TTC6: variants seen among roughly 807,000 people sequenced by gnomAD.
TTC6 encodes the protein tetratricopeptide repeat domain 6.
TTC6 carries 172 observed loss-of-function variants against 210.4 expected under a neutral mutation model. The ratio of observed to expected loss-of-function variants is 0.82; its 90% CI spans 0.72 to 0.93. The LOEUF (loss-of-function observed/expected upper bound fraction) is 0.93, where lower values mean the gene tolerates loss of function less well. TTC6 is among the 40% of genes least tolerant of loss of function. The pLI, the probability that TTC6 is intolerant of heterozygous loss-of-function variation, is 0.00. For missense variants in TTC6, 2,414 were observed against 2,318.1 expected (o/e 1.04, Z -0.85); for synonymous variants, 804 against 819.6 (o/e 0.98, Z 0.32).
In TTC6 at chr14:37,707,226, G is replaced by A. The variant is rs574237231; in HGVS notation, c.1571+5700G>A. ...AAAATGAACAATTTCCCTAGCGTAT[G>A]TTTGAGAGTGGATTGCTTTCTAATT... On this transcript the variant is annotated intron_variant, in intron 5 of 30. Transcript: ENST00000553443. Among the ~76,000 whole-genome samples, 10 of 152,104 alleles carry A rather than the reference G, an allele frequency of 6.6e-5. No homozygotes were observed. In the South Asian group the frequency reaches 1.7e-3, roughly 25 times the overall value.
intron 15 of TTC6, 87 bp from the exon 18 acceptor site, chr14:37,790,630 A>C (rs1017979951): frequency 9.5e-7 from 1 of 1,055,922 alleles, no homozygotes; most frequent in African/African-American, 1.6e-5. Context: ...AATGAGAATA[A>C]GCAATAGGAA....
intron 1 of TTC6, among the ~76,000 whole-genome samples, chr14:37,601,052 T>C (rs2095614717): frequency 6.6e-6 from 1 of 152,202 alleles, no homozygotes; most frequent in Non-Finnish European, 1.5e-5. Context: ...CTGACCACTT[T>C]CTGAATGTTG....
intron 3 of TTC6, among the ~76,000 whole-genome samples, chr14:37,691,749 A>C (rs2095803957): frequency 6.6e-6 from 1 of 152,172 alleles, no homozygotes. Context: ...CAATGAGATA[A>C]GAAAGTTGGT....
intron 27 of TTC6, 91 bp from the exon 30 acceptor site, chr14:37,826,104 A>G (rs1029000276): frequency 2.3e-6 from 3 of 1,316,560 alleles, no homozygotes; most frequent in African/African-American, 3.0e-5. Context: ...ATATACCCTT[A>G]CTAAAGGTTT....
rs1259313169 is a variant in TTC6 at position 37,630,965 on chromosome 14, A to G, written c.939+7962A>G. Among the ~76,000 whole-genome samples the G allele has an allele frequency of 2.1e-4, 14 of 66,310 alleles. 1 individual carries two copies. The highest frequency in any genetic ancestry group is 8.7e-4 in the African/African-American group (14 of 16,016). 43.5% of individuals were successfully genotyped at this position (66,310 alleles called of 152,430 possible). On this transcript the variant is annotated intron_variant, in intron 1 of 30. Coordinates refer to ENST00000553443, the Ensembl canonical transcript of TTC6. ...TTTTTTTTGCTTTCATTTGCTTGGTATATATTCCTCCATCCCTTTATTTTG... is the reference window on the plus strand; with the variant it reads ...TTTTTTTTGCTTTCATTTGCTTGGTGTATATTCCTCCATCCCTTTATTTTG...
chr14:37,719,025 C>A (rs1045294521), intron 6 of TTC6, among the ~76,000 whole-genome samples: 1 of 152,088 alleles, frequency 6.6e-6, no homozygotes, highest in South Asian at 2.1e-4. Context: ...ACAAAAAAAA[C>A]CATGAATAAT....
At chr14:37,723,321 T>C (rs2138820506) in intron 6 of TTC6, among the ~76,000 whole-genome samples, 1 of 152,326 alleles carries the variant, frequency 6.6e-6, no homozygotes, top group South Asian at 2.1e-4. Flanking sequence ...TGTTTGTTTC[T>C]ACTGGGCATT....
rs563754282 is a variant in TTC6 at position 37,664,349 on chromosome 14, G to A, written c.940-15802G>A. On this transcript the variant is annotated intron_variant, in intron 1 of 30. Transcript: ENST00000553443. ...ATAGAGAGCTCAGAAATGAGACGTC[G>A]CACCTACAACCATCAGATCTTTGAC... is the stretch of plus-strand genomic sequence containing the variant. Among the ~76,000 whole-genome samples the A allele has an allele frequency of 2.9e-4, 44 of 150,410 alleles. 2 individuals are homozygous for A. Among genetic ancestry groups the A allele is most frequent in the South Asian group, 2.1e-3 (10 of 4,700 alleles).
At chr14:37,812,499 A>G in intron 25 of TTC6, 66 bp downstream of exon 27, 1 of 1,425,154 alleles carries the variant, frequency 7.0e-7, no homozygotes, top group Non-Finnish European at 9.3e-7. Flanking sequence ...AGTGAACAAG[A>G]TTTTATTATT....
chr14:37,813,791 C>G (rs1338408979), intron 25 of TTC6, among the ~76,000 whole-genome samples: 1 of 152,082 alleles, frequency 6.6e-6, no homozygotes, highest in Non-Finnish European at 1.5e-5. Flanking sequence ...TCATTCTTGT[C>G]CCCTCTTTCC....
intron 10 of TTC6, among the ~76,000 whole-genome samples, chr14:37,741,358 G>A (rs1019924118): frequency 4.9e-5 from 6 of 123,234 alleles, no homozygotes; most frequent in African/African-American, 1.6e-4. Context: ...GTAGCACCTC[G>A]GCTCACTGCA....
At chr14:37,730,269 A>AT (rs2138873298) in intron 7 of TTC6, among the ~76,000 whole-genome samples, 1 of 152,170 alleles carries the variant, frequency 6.6e-6, no homozygotes, top group Non-Finnish European at 1.5e-5. Flanking sequence ...TTAAACTTAT[A>AT]TTTTTCAGTT....
intron 20 of TTC6, among the ~76,000 whole-genome samples, chr14:37,800,251 C>G (rs903752669): frequency 6.6e-6 from 1 of 152,002 alleles, no homozygotes; most frequent in African/African-American, 2.4e-5. Flanking sequence ...TTTAGTGGTT[C>G]AAAGCTTAGT....
intron 26 of TTC6, among the ~76,000 whole-genome samples, chr14:37,817,907 T>C (rs2096146081): frequency 6.6e-6 from 1 of 152,166 alleles, no homozygotes; most frequent in Non-Finnish European, 1.5e-5. Flanking sequence ...CATCATGGCA[T>C]TGGGCAGAGT....
intron 4 of TTC6, 27 bp from the exon 7 acceptor site, chr14:37,701,305 G>C: frequency 1.5e-6 from 2 of 1,344,964 alleles, no homozygotes; most frequent in Non-Finnish European, 1.9e-6. Context: ...ATGATGAAAG[G>C]AGCTCACTTT....
chr14:37,762,023 G>A (rs557855684), intron 14 of TTC6, among the ~76,000 whole-genome samples: 40 of 152,030 alleles, frequency 2.6e-4, no homozygotes, highest in African/African-American at 7.2e-4. Context: ...TGTTCTACTC[G>A]CTGCCTCTAT....
At chr14:37,663,588 T>G (rs556647671) in intron 1 of TTC6, among the ~76,000 whole-genome samples, 24 of 152,230 alleles carry the variant, frequency 1.6e-4, no homozygotes, top group African/African-American at 5.8e-4. Flanking sequence ...AATTCAAACT[T>G]TTTTACCTTA....
At chr14:37,741,001 A>G (rs1366204392) in intron 10 of TTC6, among the ~76,000 whole-genome samples, 2 of 152,138 alleles carry the variant, frequency 1.3e-5, no homozygotes, top group Non-Finnish European at 2.9e-5. Flanking sequence ...AAGTTTTACC[A>G]TTTAAAAAGA....
intron 10 of TTC6, among the ~76,000 whole-genome samples, chr14:37,746,936 T>A (rs1438301213): frequency 6.6e-6 from 1 of 152,174 alleles, no homozygotes; most frequent in Non-Finnish European, 1.5e-5. Context: ...CATGTTAACA[T>A]CCCATATTTC....
Sources: allele counts gnomAD v4.1 joint callset (sites outside exome capture counted in the v4.1 genomes callset), GRCh38; gene constraint gnomAD v4.1.1; transcripts MANE v1.5; gene names NCBI Gene and HGNC (gene_info 2026-07-23, HGNC 2026-07-21).